The following RANBP2 variants were observed in gnomAD, a reference collection of about 807,000 sequenced individuals.
RANBP2 encodes the protein RAN binding protein 2.
A neutral mutation model predicts 303.6 loss-of-function variants in RANBP2; 57 were observed. That is an observed-to-expected ratio of 0.19 (90% CI 0.15 to 0.23). The LOEUF (loss-of-function observed/expected upper bound fraction) is 0.23. RANBP2 is among the 10% of genes least tolerant of loss of function. The probability of loss-of-function intolerance (pLI) is 1.00; values close to 1 mark genes in which losing one functional copy is unlikely to be tolerated. For missense variants in RANBP2, 3,138 were observed against 3,780.8 expected (o/e 0.83, Z 4.46); for synonymous variants, 1,167 against 1,301.5 (o/e 0.90, Z 2.23).
the RANBP2 span, among the ~76,000 whole-genome samples, chr2:108,793,221 C>T: frequency 6.6e-6 from 1 of 151,606 alleles, no homozygotes. Flanking sequence ...AAAAATTAGC[C>T]GGGCTTGGTG....
chr2:109,120,914 A>G, the RANBP2 span, among the ~76,000 whole-genome samples: 85 of 152,270 alleles, frequency 5.6e-4, no homozygotes, highest in East Asian at 0.014. Flanking sequence ...CACAGTAAAG[A>G]GGGTGGCAAC....
chr2:109,201,836 T>C, the RANBP2 span, among the ~76,000 whole-genome samples: 2 of 152,320 alleles, frequency 1.3e-5, no homozygotes, highest in South Asian at 4.1e-4. Context: ...AAATGGGGCA[T>C]AGTGCCCTCC....
At chr2:109,659,874 T>A in the RANBP2 span, among the ~76,000 whole-genome samples, 52 of 152,252 alleles carry the variant, frequency 3.4e-4, no homozygotes, top group South Asian at 1.2e-3. Flanking sequence ...GGTATGAGGG[T>A]TGGACACCAG....
the RANBP2 span, among the ~76,000 whole-genome samples, chr2:108,897,391 A>G: frequency 6.6e-6 from 1 of 152,210 alleles, no homozygotes; most frequent in South Asian, 2.1e-4. Flanking sequence ...ACTTAAGGCA[A>G]ACGACACCTA....
the RANBP2 span, among the ~76,000 whole-genome samples, chr2:109,166,505 A>T: frequency 6.6e-6 from 1 of 151,588 alleles, no homozygotes; most frequent in Non-Finnish European, 1.5e-5. Flanking sequence ...CTCTATGTCA[A>T]GCTCATTGGT....
chr2:109,433,756 T>C, the RANBP2 span, among the ~76,000 whole-genome samples: 1 of 152,144 alleles, frequency 6.6e-6, no homozygotes, highest in African/African-American at 2.4e-5. Flanking sequence ...TAAGGGATGA[T>C]GGAGTTGCCC....
At chr2:109,244,872 C>T in the RANBP2 span, among the ~76,000 whole-genome samples, 3 of 152,128 alleles carry the variant, frequency 2.0e-5, no homozygotes, top group African/African-American at 7.2e-5. Context: ...CCTGTGCCAT[C>T]GTCATATTCT....
the RANBP2 span, among the ~76,000 whole-genome samples, chr2:109,690,333 A>G: frequency 1.3e-5 from 2 of 152,192 alleles, no homozygotes; most frequent in Non-Finnish European, 2.9e-5. Context: ...AAGTTGTGGG[A>G]GCACTTCCAG....
chr2:108,846,936 C>A, the RANBP2 span: 6 of 1,484,094 alleles, frequency 4.0e-6, no homozygotes, highest in South Asian at 6.9e-5. Context: ...TCAAGGTAAG[C>A]TTTCAATTGT....
At chr2:108,725,491 A>G (rs1339047012) in intron 1 of RANBP2, among the ~76,000 whole-genome samples, 5 of 152,244 alleles carry the variant, frequency 3.3e-5, no homozygotes, top group South Asian at 2.1e-4. Context: ...GCTGGGCTCA[A>G]TGGCTGACGC....
Position 108,783,683 on chromosome 2 carries a change from A to G in RANBP2, c.9457A>G (p.Thr3153Ala), listed in dbSNP as rs766833829. 5 of 1,610,186 alleles carry G rather than the reference A, an allele frequency of 3.1e-6. No homozygotes were observed. Among genetic ancestry groups the G allele is most frequent in the South Asian group, 1.1e-5 (1 of 90,996 alleles). ...FEDENFDVKHTGPGLLSMANQ... is the reference protein window; with the variant it reads ...FEDENFDVKHAGPGLLSMANQ... ...AGATGAAAATTTTGATGTGAAACATACTGGTCCTGGTTTACTATCCATGGC... is the reference window on the plus strand; with the variant it reads ...AGATGAAAATTTTGATGTGAAACATGCTGGTCCTGGTTTACTATCCATGGC... The change falls in exon 29 of 29, where the codon ACT becomes GCT. Residue 3153 changes from threonine to alanine, a missense_variant. By Grantham distance (58) the Thr-to-Ala change is moderately conservative (BLOSUM62 0). Transcript: ENST00000283195.
chr2:109,435,112 C>T, the RANBP2 span, among the ~76,000 whole-genome samples: 17 of 152,296 alleles, frequency 1.1e-4, no homozygotes, highest in Admixed American at 8.5e-4. Flanking sequence ...AATCTAGCCC[C>T]GGTAACTGCA....
At chr2:109,354,313 G>A in the RANBP2 span, among the ~76,000 whole-genome samples, 1 of 152,210 alleles carries the variant, frequency 6.6e-6, no homozygotes, top group Non-Finnish European at 1.5e-5. Context: ...GCTGAAGGGG[G>A]CCCGGCAGGG....
chr2:109,049,430 G>A, the RANBP2 span, among the ~76,000 whole-genome samples: 3 of 152,180 alleles, frequency 2.0e-5, no homozygotes, highest in African/African-American at 7.2e-5. Context: ...CAGCTCAGAG[G>A]CATTTACGGC....
At chr2:109,185,757 A>G in the RANBP2 span, among the ~76,000 whole-genome samples, 1 of 152,246 alleles carries the variant, frequency 6.6e-6, no homozygotes, top group African/African-American at 2.4e-5. Context: ...CCAGGATTTT[A>G]TATTGTGATT....
chr2:109,698,459 C>G, the RANBP2 span, among the ~76,000 whole-genome samples: 1 of 137,654 alleles, frequency 7.3e-6, no homozygotes, highest in Admixed American at 7.4e-5. Flanking sequence ...GAGTGAGACC[C>G]CATTTCAGAA....
At chr2:109,678,523 T>C in the RANBP2 span, among the ~76,000 whole-genome samples, 2 of 152,238 alleles carry the variant, frequency 1.3e-5, no homozygotes, top group East Asian at 1.9e-4. Flanking sequence ...GATGTTTTTC[T>C]AACCAGCTTA....
chr2:109,246,052 C>A, the RANBP2 span, among the ~76,000 whole-genome samples: 1 of 152,206 alleles, frequency 6.6e-6, no homozygotes, highest in African/African-American at 2.4e-5. Context: ...TGGATTCATA[C>A]TTCAATTTTA....
At chr2:109,023,008 G>A in the RANBP2 span, among the ~76,000 whole-genome samples, 1 of 152,004 alleles carries the variant, frequency 6.6e-6, no homozygotes, top group Non-Finnish European at 1.5e-5. Flanking sequence ...CCGAGATCAT[G>A]CCACTGCACT....
Sources: allele counts gnomAD v4.1 joint callset (sites outside exome capture counted in the v4.1 genomes callset), GRCh38; gene constraint gnomAD v4.1.1; transcripts MANE v1.5; gene names NCBI Gene and HGNC (gene_info 2026-07-23, HGNC 2026-07-21).